The following NOL6 variants were observed in gnomAD, a reference collection of about 807,000 sequenced individuals.
NOL6 encodes nucleolar RNA-associated protein.
A neutral mutation model predicts 131.7 loss-of-function variants in NOL6; 33 were observed. The ratio of observed to expected loss-of-function variants is 0.25; its 90% CI spans 0.19 to 0.33. The LOEUF (loss-of-function observed/expected upper bound fraction) is 0.33, where lower values mean the gene tolerates loss of function less well. NOL6 is among the 10% of genes least tolerant of loss of function. NOL6 has a pLI of 1.00. For missense variants in NOL6, 1,297 were observed against 1,494.5 expected, an observed-to-expected ratio of 0.87 and a Z score of 2.18; for synonymous variants, 580 against 605.7, an observed-to-expected ratio of 0.96 and a Z score of 0.62.
intron 3 of NOL6, chr9:33,470,541 C>G (rs1185420466): frequency 6.4e-6 from 1 of 156,430 alleles, no homozygotes; most frequent in Admixed American, 6.5e-5. Flanking sequence ...AATAATTAGC[C>G]GGGCATGGCG....
intron 22 of NOL6, 32 bp from the exon 23 acceptor site, chr9:33,463,952 G>C: frequency 1.2e-6 from 2 of 1,614,118 alleles, no homozygotes; most frequent in Non-Finnish European, 1.7e-6. Context: ...GACTGGAACT[G>C]AAGTGGGTCT....
At chr9:33,462,944 G>T in intron 25 of NOL6, 89 bp downstream of exon 25, 1 of 1,536,106 alleles carries the variant, frequency 6.5e-7, no homozygotes, top group South Asian at 1.2e-5. Flanking sequence ...ACACGGGTTT[G>T]CCCATAGGAC....
At position 33,468,156 on chromosome 9, in the gene NOL6, A is replaced by G. The variant is rs1268509258; in HGVS notation, c.1309-11T>C. ...TGCCTCATGCTGTACCTGGAGCCAC[A>G]GAAGGGACCATCCCTGTGCCCTTCA... On this transcript the variant is annotated splice_polypyrimidine_tract_variant and intron_variant, in intron 10 of 25. Transcript: ENST00000297990. 1 of 1,614,220 alleles carries G rather than the reference A, an allele frequency of 6.2e-7. No individual in the cohort carries two copies.
Position 33,470,199 on chromosome 9 carries a change from G to C in NOL6, c.379-8C>G. 6.4e-7 allele frequency: 1 copy of C among 1,558,232 alleles called. No homozygotes were observed. Among genetic ancestry groups the C allele is most frequent in the East Asian group, 2.3e-5 (1 of 43,314 alleles). On this transcript the variant is annotated splice_polypyrimidine_tract_variant and splice_region_variant and intron_variant, in intron 3 of 25. Transcript: ENST00000297990. Reference sequence around the variant, plus strand: ...CCATGCCTGGTCAGTGAGCTGTGGGGGCAGAGACAGGGACACATACTGATT... The same window carrying C: ...CCATGCCTGGTCAGTGAGCTGTGGGCGCAGAGACAGGGACACATACTGATT...
At position 33,462,423 on chromosome 9, in the gene NOL6, C is replaced by T; in HGVS notation, c.*241G>A. On this transcript the variant is annotated 3_prime_UTR_variant, in exon 26 of 26. Transcript: ENST00000297990. ...TCAGTTCCTTCTCTGAGCTGGCTCC[C>T]ACTCCTCTTCTGGGATGGTGAGGCC... 1 of 613,710 alleles carries T rather than the reference C, an allele frequency of 1.6e-6. No individual in the cohort carries two copies. The allele number at this position is 613,710 out of a possible 1,614,324, so 38.0% of individuals were successfully genotyped here. A position where few individuals can be genotyped will look rare whatever the true frequency, so the allele number is the denominator to read the frequency against.
chr9:33,463,212 C>T (rs372570439), intron 24 of NOL6, 35 bp downstream of exon 24: 1 of 1,609,476 alleles, frequency 6.2e-7, no homozygotes, highest in Non-Finnish European at 8.5e-7. Context: ...ACCTGGAAGT[C>T]CCCTCCCCAG....
rs114465306 is a variant in NOL6 at position 33,470,171 on chromosome 9, G to A, written c.399C>T (p.Leu133=). The A allele has an allele frequency of 1.6e-5, 26 of 1,592,746 alleles. No individual in the cohort carries two copies. In the African/African-American group the frequency reaches 2.8e-4, roughly 17 times the overall value. ...PETELTDQAW[L]PAGVRVPLHQ... ...GGAGGGGCACTCGAACCCCAGCTGG[G>A]AGCCATGCCTGGTCAGTGAGCTGTG... Residue 133 remains leucine (L), a synonymous_variant, in exon 4 of 26, where the codon CTC becomes CTT. Coordinates refer to ENST00000297990, the MANE Select transcript of NOL6 (RefSeq NM_022917.5).
intron 11 of NOL6, 29 bp downstream of exon 11, chr9:33,468,001 C>CA: frequency 6.2e-7 from 1 of 1,614,018 alleles, no homozygotes. Context: ...ACAGGACCCG[C>CA]CAACATACCC....
chr9:33,466,238 A>G lies in NOL6; in HGVS notation c.2210-13T>C. ...AGGTGACAAACCACTGAGGAAGAAGAGTCAGAGGTCTCATACTGTGGCCTG... is the reference window on the plus strand; with the variant it reads ...AGGTGACAAACCACTGAGGAAGAAGGGTCAGAGGTCTCATACTGTGGCCTG... On this transcript the variant is annotated splice_polypyrimidine_tract_variant and intron_variant, in intron 17 of 25. Transcript: ENST00000297990. 6.2e-7 allele frequency: 1 copy of G among 1,610,564 alleles called. No homozygotes were observed. Among genetic ancestry groups the G allele is most frequent in the East Asian group, 2.2e-5 (1 of 44,780 alleles).
In NOL6 at chr9:33,466,041, T is replaced by C. The variant is rs748678423; in HGVS notation, c.2364+30A>G. The stretch of plus-strand genomic sequence containing the variant: ...TGACATCCCTGGTGCCCCCCTTCCC[T>C]GGGGACATATCTGCCTGCACCAGCC... On this transcript the variant is annotated intron_variant, in intron 18 of 25. Transcript: ENST00000297990. 1.9e-6 allele frequency: 3 copies of C among 1,564,310 alleles called. No homozygotes were observed. The African/African-American group carries it at 4.1e-5, about 21-fold the overall frequency.
Position 33,466,260 on chromosome 9 carries a change from C to T in NOL6, c.2210-35G>A. The T allele has an allele frequency of 1.9e-6, 3 of 1,612,524 alleles. No individual in the cohort carries two copies. The South Asian group carries it at 3.3e-5, about 18-fold the overall frequency. On this transcript the variant is annotated intron_variant, in intron 17 of 25. Coordinates refer to ENST00000297990, the MANE Select transcript of NOL6 (RefSeq NM_022917.5). ...AAGAGTCAGAGGTCTCATACTGTGG[C>T]CTGGAGCTGGAACTATCCCTCCCAC...
At chr9:33,463,961 C>T in intron 22 of NOL6, 41 bp from the exon 23 acceptor site, 1 of 1,613,994 alleles carries the variant, frequency 6.2e-7, no homozygotes. Context: ...TGAAGTGGGT[C>T]TCTCCCAGGT....
chr9:33,466,726 G>A lies in NOL6; in HGVS notation c.1951-17C>T, dbSNP rs769097214. 19 of 1,613,010 alleles carry A rather than the reference G, an allele frequency of 1.2e-5. No homozygotes were observed. The highest frequency in any genetic ancestry group is 5.3e-5 in the African/African-American group (4 of 74,932). On this transcript the variant is annotated splice_polypyrimidine_tract_variant and intron_variant, in intron 15 of 25. Transcript: ENST00000297990. ...GCTGGAGGTCTGAGAGGGAGAAGAC[G>A]GTCAGGAGGCTGGACCCTACAGAAG...
Position 33,466,945 on chromosome 9 carries a change from G to A in NOL6, c.1917C>T (p.Gly639=), listed in dbSNP as rs749829001. ...IPETCVHYVG[G]PLDALIQGLK... ...GGCCTTGGATAAGTGCATCCAGGGGGCCCCCCACATAGTGGACACAGGTTT... is the reference window on the plus strand; with the variant it reads ...GGCCTTGGATAAGTGCATCCAGGGGACCCCCCACATAGTGGACACAGGTTT... The change falls in exon 15 of 26, where the codon GGC becomes GGT. Residue 639 remains glycine (G), a synonymous_variant. Transcript: ENST00000297990. 12 of 1,614,040 alleles carry A rather than the reference G, an allele frequency of 7.4e-6. No homozygotes were observed. Among genetic ancestry groups the A allele is most frequent in the Admixed American group, 1.7e-5 (1 of 59,988 alleles).
chr9:33,473,778 G>T lies in NOL6; in HGVS notation c.54+11C>A. ...ATTGAGCCTCTGTTCCTCCCCGATG[G>T]CTCAACCCACCTCTGGCTCTCCAGT... On this transcript the variant is annotated intron_variant, in intron 1 of 25. Transcript: ENST00000297990. The T allele has an allele frequency of 6.2e-7, 1 of 1,611,732 alleles. No individual in the cohort carries two copies.
At chr9:33,466,029 G>GC (rs1827230614) in intron 18 of NOL6, 42 bp downstream of exon 18, 1 of 1,560,576 alleles carries the variant, frequency 6.4e-7, no homozygotes, top group East Asian at 2.3e-5. Flanking sequence ...CATCCCTGGT[G>GC]CCCCCCTTCC....
intron 3 of NOL6, 43 bp from the exon 4 acceptor site, chr9:33,470,234 T>C: frequency 6.9e-7 from 1 of 1,450,924 alleles, no homozygotes; most frequent in Non-Finnish European, 9.2e-7. Flanking sequence ...TCAACTGCCT[T>C]CCTCACATGT....
rs768258657 is a variant in NOL6, at chr9:33,465,218, G to A, written c.2670C>T (p.Phe890=). The A allele has an allele frequency of 6.3e-7, 1 of 1,594,668 alleles. No homozygotes were observed. Among genetic ancestry groups the A allele is most frequent in the Non-Finnish European group, 8.5e-7 (1 of 1,170,204 alleles). Residue 890 remains phenylalanine (F), a synonymous_variant, in exon 20 of 26, where the codon TTC becomes TTT. Coordinates refer to ENST00000297990, the MANE Select transcript of NOL6 (RefSeq NM_022917.5). The part of the protein sequence containing the change: ...AAALFLHPEP[F]TPPSSPQVGF... ...GTGGAGGGAATCACCTCGGAGGGGT[G>A]AAGGGCTCAGGGTGCAGGAAAAGGG... is the stretch of plus-strand genomic sequence containing the variant.
rs774002407 is a variant in NOL6, at chr9:33,464,862, CCT to C, written c.2779+15_2779+16del. 2 of 1,576,434 alleles carry C rather than the reference CCT, an allele frequency of 1.3e-6. No homozygotes were observed. Reference sequence around the variant, plus strand: ...GAGCTGTTCTTCCAGCAGTCTGACCCCTGTTCTACCACTTACCAGTGAGCTCA... The same window carrying C: ...GAGCTGTTCTTCCAGCAGTCTGACCCGTTCTACCACTTACCAGTGAGCTCA... On this transcript the variant is annotated intron_variant, in intron 21 of 25. Transcript: ENST00000297990.
Sources: allele counts gnomAD v4.1 joint callset, GRCh38; gene constraint gnomAD v4.1.1; transcripts MANE v1.5; gene names NCBI Gene and HGNC (gene_info 2026-07-23, HGNC 2026-07-21).